MED15: variants seen among roughly 807,000 people sequenced by gnomAD.
MED15 encodes the protein mediator complex subunit 15.
In MED15, 41 loss-of-function variants were observed where a neutral mutation model predicts 118.7. The observed-to-expected ratio is 0.35, with a 90% CI of 0.27 to 0.45. MED15 has a LOEUF of 0.45. MED15 is among the 20% of genes least tolerant of loss of function. The pLI is 1.00. For missense variants in MED15, 740 were observed against 1,025.5 expected (o/e 0.72, Z 3.80); for synonymous variants, 436 against 413.9 (o/e 1.05, Z -0.65).
chr22:20,520,886 C>G (rs2054422863), intron 1 of MED15, among the ~76,000 whole-genome samples: 1 of 151,934 alleles, frequency 6.6e-6, no homozygotes, highest in African/African-American at 2.4e-5. Context: ...ACTACAGGTG[C>G]TCACCACCAT....
At chr22:20,565,131 T>A (rs1227908643) in intron 6 of MED15, among the ~76,000 whole-genome samples, 3 of 151,816 alleles carry the variant, frequency 2.0e-5, no homozygotes, top group Non-Finnish European at 2.9e-5. Flanking sequence ...TCAAAAAAAA[T>A]AAAAATAAAA....
intron 2 of MED15, among the ~76,000 whole-genome samples, chr22:20,544,672 A>G (rs890635614): frequency 2.6e-5 from 4 of 152,046 alleles, no homozygotes; most frequent in African/African-American, 7.2e-5. Flanking sequence ...TCTCAAAAAA[A>G]CAAACAAACA....
intron 1 of MED15, among the ~76,000 whole-genome samples, chr22:20,513,278 CTTTCTTTTTTT>C (rs2054139188): frequency 9.6e-6 from 1 of 104,238 alleles, no homozygotes; most frequent in Non-Finnish European, 2.0e-5. Context: ...CTTTCTTTTT[CTTTCTTTTTTT>C]TTTTTTTTGA....
intron 5 of MED15, among the ~76,000 whole-genome samples, chr22:20,560,412 G>C (rs140903829): frequency 3.9e-5 from 6 of 152,138 alleles, no homozygotes. Flanking sequence ...CTACAGGCGC[G>C]CGCCACTACG....
chr22:20,519,121 G>T, intron 1 of MED15: 1 of 332,244 alleles, frequency 3.0e-6, no homozygotes, highest in Non-Finnish European at 5.9e-6. Context: ...CCAAAGTGCT[G>T]GGATTACAGG....
At chr22:20,515,314 A>C (rs2054211083) in intron 1 of MED15, among the ~76,000 whole-genome samples, 1 of 152,188 alleles carries the variant, frequency 6.6e-6, no homozygotes, top group South Asian at 2.1e-4. Context: ...GGAAAATGAG[A>C]CCTAGAGGAG....
chr22:20,538,592 A>G lies in MED15; in HGVS notation c.156+1388A>G, dbSNP rs372062121. ...AAACTTTATACCTGTTAGCAGTCAC[A>G]CTCCCTTTTCCTTCAACCCTCAGCT... On this transcript the variant is annotated intron_variant, in intron 2 of 17. Coordinates refer to ENST00000263205, the MANE Select transcript of MED15 (RefSeq NM_001003891.3). Among the ~76,000 whole-genome samples, 35 of 151,716 alleles carry G rather than the reference A, an allele frequency of 2.3e-4. No homozygotes were observed. In the South Asian group the frequency reaches 3.3e-3, roughly 15 times the overall value.
At chr22:20,535,192 A>G (rs1025287754) in intron 1 of MED15, among the ~76,000 whole-genome samples, 1 of 152,176 alleles carries the variant, frequency 6.6e-6, no homozygotes, top group African/African-American at 2.4e-5. Flanking sequence ...TCCTGACCTC[A>G]GGTGATCCAC....
chr22:20,537,641 G>T (rs2269833), intron 2 of MED15, among the ~76,000 whole-genome samples: 9,291 of 152,344 alleles, frequency 0.061, 670 homozygotes, highest in East Asian at 0.39. Context: ...AGTGAAGAAG[G>T]TGATGCTTAT....
chr22:20,551,920 C>T (rs1018196621), intron 3 of MED15, among the ~76,000 whole-genome samples: 2 of 152,198 alleles, frequency 1.3e-5, no homozygotes, highest in African/African-American at 4.8e-5. Context: ...GGAGGACCTC[C>T]TGAGTCTGCA....
At chr22:20,530,462 A>C (rs2054811812) in intron 1 of MED15, among the ~76,000 whole-genome samples, 1 of 152,056 alleles carries the variant, frequency 6.6e-6, no homozygotes, top group South Asian at 2.1e-4. Context: ...GGAGGAACGC[A>C]CCTTCCTGCT....
intron 3 of MED15, chr22:20,552,390 A>G: frequency 3.6e-6 from 1 of 276,002 alleles, no homozygotes; most frequent in South Asian, 3.1e-5. Context: ...TTTCCACACT[A>G]ACTTTTCACC....
At chr22:20,561,389 G>A (rs748454294) in intron 5 of MED15, among the ~76,000 whole-genome samples, 44 of 152,078 alleles carry the variant, frequency 2.9e-4, no homozygotes, top group Admixed American at 1.0e-3. Flanking sequence ...GCATGGTGGC[G>A]CATGCCTGTA....
intron 6 of MED15, 71 bp downstream of exon 6, chr22:20,564,759 A>G: frequency 2.5e-6 from 4 of 1,601,180 alleles, no homozygotes; most frequent in Non-Finnish European, 3.4e-6. Flanking sequence ...ATCAGCCACA[A>G]TGCTGGGTGC....
At chr22:20,564,785 C>G in intron 6 of MED15, 97 bp downstream of exon 6, 1 of 1,566,602 alleles carries the variant, frequency 6.4e-7, no homozygotes, top group Non-Finnish European at 8.7e-7. Flanking sequence ...CCGGAGCCAG[C>G]CGAGGGTTCT....
intron 1 of MED15, among the ~76,000 whole-genome samples, chr22:20,527,041 C>T (rs989181601): frequency 2.0e-5 from 3 of 152,154 alleles, no homozygotes; most frequent in African/African-American, 7.2e-5. Flanking sequence ...TGTTACACTG[C>T]GCTGCCCTTG....
At chr22:20,580,544 T>TG (rs1482734145) in intron 9 of MED15, among the ~76,000 whole-genome samples, 2 of 152,054 alleles carry the variant, frequency 1.3e-5, no homozygotes, top group African/African-American at 4.8e-5. Context: ...GACAGCTTTC[T>TG]GGGGTGCAGG....
chr22:20,569,630 C>G (rs1047549739), intron 8 of MED15, among the ~76,000 whole-genome samples: 1 of 149,114 alleles, frequency 6.7e-6, no homozygotes, highest in Non-Finnish European at 1.5e-5. Flanking sequence ...CCCTGGGAAG[C>G]TGCCTGAGGA....
At chr22:20,511,805 G>A (rs1263558187) in intron 1 of MED15, among the ~76,000 whole-genome samples, 2 of 152,120 alleles carry the variant, frequency 1.3e-5, no homozygotes, top group South Asian at 2.1e-4. Context: ...ACAAGTGAGG[G>A]TGAGGCCTAA....
Sources: gnomAD v4.1 joint callset for allele counts (sites outside exome capture counted in the v4.1 genomes callset) on GRCh38, gnomAD v4.1.1 for gene constraint, MANE v1.5 for transcripts, NCBI Gene and HGNC (gene_info 2026-07-23, HGNC 2026-07-21) for gene names.